Variants in CACNA2D1 observed in about 807,000 individuals in gnomAD.
CACNA2D1 encodes voltage-dependent calcium channel subunit alpha-2/delta-1.
In CACNA2D1, 53 loss-of-function variants were observed where a neutral mutation model predicts 171.5. The ratio of observed to expected loss-of-function variants is 0.31; its 90% CI spans 0.25 to 0.39. CACNA2D1 has a LOEUF of 0.39. Among genes scored for constraint, CACNA2D1 ranks in the 10% least tolerant of loss-of-function variants. CACNA2D1 has a pLI of 1.00. For missense variants in CACNA2D1, 903 were observed against 1,299.8 expected, an observed-to-expected ratio of 0.69 and a Z score of 4.69; for synonymous variants, 442 against 443.1, an observed-to-expected ratio of 1.00 and a Z score of 0.03.
At chr7:82,121,464 C>T (rs1789726622) in intron 5 of CACNA2D1, among the ~76,000 whole-genome samples, 1 of 152,150 alleles carries the variant, frequency 6.6e-6, no homozygotes, top group Non-Finnish European at 1.5e-5. Context: ...AGGTGTGGAA[C>T]TTTCATCCAG....
chr7:82,118,978 C>T (rs1789401970), intron 5 of CACNA2D1, among the ~76,000 whole-genome samples: 1 of 152,072 alleles, frequency 6.6e-6, no homozygotes, highest in African/African-American at 2.4e-5. Context: ...CTTATACCAT[C>T]ATACTCCATG....
chr7:82,379,591 T>C (rs558683722), intron 1 of CACNA2D1, among the ~76,000 whole-genome samples: 113 of 152,368 alleles, frequency 7.4e-4, no homozygotes, highest in African/African-American at 2.7e-3. Flanking sequence ...TGTCCTGGGA[T>C]GCATTCAAAG....
rs1357394974 is a variant in CACNA2D1, at chr7:81,978,729, TAAAGTA to T, written c.1955+3832_1955+3837del. Reference sequence around the variant, plus strand: ...CGTCATGCACATGTATCCCAGAAGTTAAAGTAAATTTTTTTTAAAAAGTGTATATAT... The same window carrying T: ...CGTCATGCACATGTATCCCAGAAGTTAATTTTTTTTAAAAAGTGTATATAT... On this transcript the variant is annotated intron_variant, in intron 24 of 38. Coordinates refer to ENST00000356860, the MANE Select transcript of CACNA2D1 (RefSeq NM_000722.4). 1.0e-2 allele frequency among the ~76,000 whole-genome samples: 1,453 copies of T among 145,920 alleles called. 25 individuals are homozygous for T. The highest frequency in any genetic ancestry group is 0.035 in the African/African-American group (1,374 of 39,352).
chr7:82,061,959 G>A (rs1806984929), intron 9 of CACNA2D1, among the ~76,000 whole-genome samples: 1 of 152,122 alleles, frequency 6.6e-6, no homozygotes. Flanking sequence ...CTAGAATAGT[G>A]ATGTTATTTA....
chr7:82,249,760 A>AT (rs557805586), intron 3 of CACNA2D1, among the ~76,000 whole-genome samples: 11 of 152,184 alleles, frequency 7.2e-5, no homozygotes, highest in Non-Finnish European at 1.5e-4. Flanking sequence ...GCTTAGACAG[A>AT]TTTTATCTCA....
intron 4 of CACNA2D1, among the ~76,000 whole-genome samples, chr7:82,142,626 G>A (rs1367630665): frequency 6.6e-6 from 1 of 152,170 alleles, no homozygotes; most frequent in Non-Finnish European, 1.5e-5. Context: ...CTAACTTCCT[G>A]TCCAATTTAC....
chr7:82,244,062 G>A (rs1171636523), intron 3 of CACNA2D1, among the ~76,000 whole-genome samples: 2 of 152,020 alleles, frequency 1.3e-5, no homozygotes, highest in South Asian at 2.1e-4. Flanking sequence ...AAGTGAGAGG[G>A]GAGTTTTCAT....
Position 82,014,491 on chromosome 7 carries a change from G to A in CACNA2D1, c.1144-12C>T. 7.1e-7 allele frequency: 1 copy of A among 1,408,560 alleles called. No individual in the cohort carries two copies. Among genetic ancestry groups the A allele is most frequent in the Non-Finnish European group, 1.0e-6 (1 of 992,990 alleles). 87.3% of individuals were successfully genotyped at this position (1,408,560 alleles called of 1,614,324 possible). On this transcript the variant is annotated splice_polypyrimidine_tract_variant and intron_variant, in intron 12 of 38. Coordinates refer to ENST00000356860, the MANE Select transcript of CACNA2D1 (RefSeq NM_000722.4). ...GTGAATACACGTACCTGGATGAATT[G>A]AAAAATAGGTATTCATTAGGCTGAA...
intron 1 of CACNA2D1, among the ~76,000 whole-genome samples, chr7:82,384,250 G>GT (rs1377458271): frequency 6.6e-6 from 1 of 152,196 alleles, no homozygotes; most frequent in Non-Finnish European, 1.5e-5. Flanking sequence ...AAACTCCAGT[G>GT]TGTCCGTATT....
In CACNA2D1 at chr7:82,056,465, A is replaced by ATCTG. The variant is rs1484731716; in HGVS notation, c.879+3959_879+3962dup. On this transcript the variant is annotated intron_variant, in intron 10 of 38. Coordinates refer to ENST00000356860, the MANE Select transcript of CACNA2D1 (RefSeq NM_000722.4). ...ACTAAACAATTGGGTAGATAAGATG[A>ATCTG]TCTGTCCACTGGAGATCATCCAGCT... 2.6e-5 allele frequency among the ~76,000 whole-genome samples: 4 copies of ATCTG among 152,284 alleles called. No individual in the cohort carries two copies. The South Asian group carries it at 6.2e-4, about 24-fold the overall frequency.
At chr7:81,974,012 A>G (rs1412870500) in intron 25 of CACNA2D1, among the ~76,000 whole-genome samples, 1 of 152,028 alleles carries the variant, frequency 6.6e-6, no homozygotes, top group Non-Finnish European at 1.5e-5. Flanking sequence ...AAGGAAGAAA[A>G]TCATTAAGTG....
chr7:82,170,525 T>C lies in CACNA2D1; in HGVS notation c.354+25A>G, dbSNP rs755506856. 12 of 1,557,544 alleles carry C rather than the reference T, an allele frequency of 7.7e-6. No individual in the cohort carries two copies. The African/African-American group carries it at 1.5e-4, about 19-fold the overall frequency. ...TACACAATATGTCAAGCTATTTAAA[T>C]CAAGTAGTTAAAAGGGGTTCTTACT... On this transcript the variant is annotated intron_variant, in intron 4 of 38. Coordinates refer to ENST00000356860, the MANE Select transcript of CACNA2D1 (RefSeq NM_000722.4).
chr7:82,250,590 T>G (rs571688998), intron 3 of CACNA2D1, among the ~76,000 whole-genome samples: 1 of 152,322 alleles, frequency 6.6e-6, no homozygotes, highest in East Asian at 1.9e-4. Flanking sequence ...AAGCTTCTAT[T>G]GTTATTGCTT....
chr7:82,299,845 G>GA (rs1333120511), intron 3 of CACNA2D1, among the ~76,000 whole-genome samples: 17 of 151,902 alleles, frequency 1.1e-4, no homozygotes, highest in East Asian at 1.9e-4. Context: ...CTTATAAAGG[G>GA]AAAAAACCTA....
intron 4 of CACNA2D1, among the ~76,000 whole-genome samples, chr7:82,138,192 A>G (rs961714625): frequency 6.7e-6 from 1 of 149,970 alleles, no homozygotes; most frequent in African/African-American, 2.4e-5. Flanking sequence ...TGTTTGAGAA[A>G]CATACCACGA....
chr7:82,021,919 T>A lies in CACNA2D1; in HGVS notation c.1144-7440A>T, dbSNP rs1801263535. On this transcript the variant is annotated intron_variant, in intron 12 of 38. Coordinates refer to ENST00000356860, the MANE Select transcript of CACNA2D1 (RefSeq NM_000722.4). Reference sequence around the variant, plus strand: ...ACCAGCAAAAAGTGCCTTTCTGGCATAACATTTTAACACAAACAATGGGCA... The same window carrying A: ...ACCAGCAAAAAGTGCCTTTCTGGCAAAACATTTTAACACAAACAATGGGCA... Among the ~76,000 whole-genome samples the A allele has an allele frequency of 1.3e-5, 2 of 151,988 alleles. 1 individual carries two copies. Among genetic ancestry groups the A allele is most frequent in the African/African-American group, 4.8e-5 (2 of 41,424 alleles).
intron 3 of CACNA2D1, among the ~76,000 whole-genome samples, chr7:82,295,794 A>G (rs1388869313): frequency 2.0e-5 from 3 of 152,132 alleles, no homozygotes; most frequent in Non-Finnish European, 4.4e-5. Context: ...ATGCTGCTAT[A>G]AAGACACATG....
intron 29 of CACNA2D1, among the ~76,000 whole-genome samples, chr7:81,968,415 C>T (rs1350019676): frequency 6.6e-6 from 1 of 151,384 alleles, no homozygotes; most frequent in South Asian, 2.1e-4. Flanking sequence ...AAGTTTTTAA[C>T]TGAGCCCTAC....
chr7:81,958,253 T>TTTATA (rs1427404198), intron 38 of CACNA2D1, among the ~76,000 whole-genome samples: 1 of 152,098 alleles, frequency 6.6e-6, no homozygotes, highest in African/African-American at 2.4e-5. Context: ...CTATTTTTAA[T>TTTATA]TTATATTATC....
Sources: allele counts gnomAD v4.1 joint callset (sites outside exome capture counted in the v4.1 genomes callset), GRCh38; gene constraint gnomAD v4.1.1; transcripts MANE v1.5; gene names NCBI Gene and HGNC (gene_info 2026-07-23, HGNC 2026-07-21).